TARBP1: variants seen among roughly 807,000 people sequenced by gnomAD.
TARBP1 encodes tRNA (guanosine(18)-2'-O)-methyltransferase TARBP1.
In TARBP1, 144 loss-of-function variants were observed where a neutral mutation model predicts 178.6. That is an observed-to-expected ratio of 0.81 (90% confidence interval 0.70 to 0.93). The LOEUF (loss-of-function observed/expected upper bound fraction) is 0.93. Among genes scored for constraint, TARBP1 ranks in the 40% least tolerant of loss-of-function variants. The probability of loss-of-function intolerance (pLI) is 0.00; values close to 1 mark genes in which losing one functional copy is unlikely to be tolerated. For synonymous variants in TARBP1, 787 were observed against 781.0 expected, an observed-to-expected ratio of 1.01 and a Z score of -0.13; for missense variants, 2,067 against 2,011.7, an observed-to-expected ratio of 1.03 and a Z score of -0.53.
chr1:234,401,390 C>G (rs944422894), intron 24 of TARBP1, 128 bp from the exon 25 acceptor site: 1 of 650,454 alleles, frequency 1.5e-6, no homozygotes, highest in East Asian at 2.8e-5. Flanking sequence ...GAACTTTATC[C>G]TAAGATTTAT....
intron 21 of TARBP1, among the ~76,000 whole-genome samples, chr1:234,419,944 T>C: frequency 6.6e-6 from 1 of 152,204 alleles, no homozygotes; most frequent in East Asian, 1.9e-4. Context: ...GGCTAGTATA[T>C]ATATTTGTAA....
At chr1:234,440,599 C>T (rs1015461760) in intron 12 of TARBP1, among the ~76,000 whole-genome samples, 3 of 152,014 alleles carry the variant, frequency 2.0e-5, no homozygotes, top group African/African-American at 7.3e-5. Flanking sequence ...ATTCTACTGC[C>T]CCTATTCACA....
Position 234,478,640 on chromosome 1 carries a change from T to C in TARBP1, c.464A>G (p.Glu155Gly), listed in dbSNP as rs1206219085. 3 of 1,286,280 alleles carry C rather than the reference T, an allele frequency of 2.3e-6. No homozygotes were observed. In the African/African-American group the frequency reaches 4.7e-5, roughly 20 times the overall value. The allele number at this position is 1,286,280 out of a possible 1,614,324, so 79.7% of individuals were successfully genotyped here. ...AAVGPCLRPR[E>G]DGPLLERVAG... is the part of the protein sequence containing the mutation. ...CACGCGCTCCAGTAGCGGCCCGTCC[T>C]CGCGGGGCCGCAAACATGGCCCGAC... is the stretch of plus-strand genomic sequence containing the variant. The change falls in exon 1 of 30, where the codon GAG becomes GGG. Residue 155 changes from glutamate (E) to glycine (G), a missense_variant. Transcript: ENST00000040877.
At chr1:234,423,430 ACGACC>A (rs1331703782) in intron 20 of TARBP1, among the ~76,000 whole-genome samples, 3 of 151,946 alleles carry the variant, frequency 2.0e-5, no homozygotes, top group Non-Finnish European at 4.4e-5. Flanking sequence ...CCCTCCAGGA[ACGACC>A]CCTGTTATTC....
At chr1:234,477,434 T>C (rs1403148685) in intron 1 of TARBP1, among the ~76,000 whole-genome samples, 2 of 152,306 alleles carry the variant, frequency 1.3e-5, no homozygotes, top group South Asian at 2.1e-4. Context: ...AAAGTAGAAA[T>C]ATTCTATTGA....
intron 20 of TARBP1, among the ~76,000 whole-genome samples, chr1:234,421,071 A>T (rs575993193): frequency 6.6e-6 from 1 of 152,264 alleles, no homozygotes. Context: ...AGTTGCTTTT[A>T]ACTTACATGT....
At chr1:234,406,165 C>A in intron 23 of TARBP1, 66 bp from the exon 24 acceptor site, 1 of 1,461,390 alleles carries the variant, frequency 6.8e-7, no homozygotes. Flanking sequence ...ACTTGTATGA[C>A]ACAAAAAAAG....
chr1:234,414,158 C>A (rs1662159265), intron 22 of TARBP1, among the ~76,000 whole-genome samples: 1 of 152,176 alleles, frequency 6.6e-6, no homozygotes, highest in African/African-American at 2.4e-5. Context: ...GCAGTCTCTG[C>A]TGCAACTGTT....
In TARBP1 at chr1:234,450,368, T is replaced by C. The variant is rs1666624721; in HGVS notation, c.1861+60A>G. 2.8e-6 allele frequency: 4 copies of C among 1,420,834 alleles called. No individual in the cohort carries two copies. The Admixed American group carries it at 1.0e-4, about 36-fold the overall frequency. The allele number at this position is 1,420,834 out of a possible 1,614,324, so 88.0% of individuals were successfully genotyped here. On this transcript the variant is annotated intron_variant, in intron 10 of 29. Coordinates refer to ENST00000040877, the MANE Select transcript of TARBP1 (RefSeq NM_005646.4). The stretch of plus-strand genomic sequence containing the variant: ...CCTAACTCTCAGTCTGAAAAACTAG[T>C]TAAAAGTTCTTTGAAAATATTTTGG...
chr1:234,407,677 C>T (rs532663448), intron 23 of TARBP1: 6 of 151,982 alleles, frequency 3.9e-5, no homozygotes, highest in African/African-American at 1.5e-4. Flanking sequence ...GGTGTGGGCT[C>T]GAGGATATTT....
At position 234,478,409 on chromosome 1, in the gene TARBP1, A is replaced by G; in HGVS notation, c.695T>C (p.Val232Ala). The change falls in exon 1 of 30, where the codon GTC becomes GCC. Residue 232 changes from valine to alanine, a missense_variant. Transcript: ENST00000040877. ...GSGRVEEKLL[V>A]LSALAEKLLP... ...CAGCTTCTCGGCCAGGGCGCTCAGG[A>G]CCAGCAGCTTCTCCTCTACGCGGCC... The G allele has an allele frequency of 7.3e-7, 1 of 1,377,606 alleles. No individual in the cohort carries two copies. 85.3% of individuals were successfully genotyped at this position (1,377,606 alleles called of 1,614,324 possible).
At chr1:234,410,946 C>A (rs1572238607) in intron 22 of TARBP1, among the ~76,000 whole-genome samples, 1 of 152,174 alleles carries the variant, frequency 6.6e-6, no homozygotes, top group East Asian at 1.9e-4. Flanking sequence ...GTAGCGCACA[C>A]CTGTAGTCCC....
chr1:234,474,221 G>A (rs1393469560), intron 1 of TARBP1, among the ~76,000 whole-genome samples: 3 of 149,154 alleles, frequency 2.0e-5, no homozygotes, highest in African/African-American at 7.5e-5. Context: ...CCTAGCCTGG[G>A]CAAGAGCGAG....
Position 234,472,858 on chromosome 1 carries a change from C to T in TARBP1, c.932-47G>A, listed in dbSNP as rs550440282. ...AATTAGTTCTTCCTTTTGCAAATTT[C>T]ATAAGTTTCTCAATGACAGCAGTTC... On this transcript the variant is annotated intron_variant, in intron 1 of 29. Coordinates refer to ENST00000040877, the MANE Select transcript of TARBP1 (RefSeq NM_005646.4). 10 of 1,410,330 alleles carry T rather than the reference C, an allele frequency of 7.1e-6. No individual in the cohort carries two copies. In the African/African-American group the frequency reaches 8.7e-5, roughly 12 times the overall value. 87.4% of individuals were successfully genotyped at this position (1,410,330 alleles called of 1,614,324 possible). A position where few individuals can be genotyped will look rare whatever the true frequency, so the allele number is the denominator to read the frequency against.
At chr1:234,465,589 C>T in intron 5 of TARBP1, 67 bp downstream of exon 5, 1 of 1,410,556 alleles carries the variant, frequency 7.1e-7, no homozygotes, top group Non-Finnish European at 9.4e-7. Flanking sequence ...ATGCATGAAA[C>T]AATCTGGTCA....
intron 3 of TARBP1, 94 bp downstream of exon 3, chr1:234,471,094 T>C (rs1051628509): frequency 9.1e-5 from 86 of 944,038 alleles, no homozygotes; most frequent in Non-Finnish European, 1.3e-4. Flanking sequence ...ACTTTTATAG[T>C]TTTTCAAAAT....
intron 12 of TARBP1, among the ~76,000 whole-genome samples, chr1:234,443,679 CA>C (rs1464803497): frequency 6.6e-6 from 1 of 152,038 alleles, no homozygotes; most frequent in Non-Finnish European, 1.5e-5. Context: ...GCATTATTCA[CA>C]AAAGAGAAGG....
At chr1:234,458,911 C>T (rs1347112283) in intron 8 of TARBP1, among the ~76,000 whole-genome samples, 1 of 152,104 alleles carries the variant, frequency 6.6e-6, no homozygotes, top group Non-Finnish European at 1.5e-5. Context: ...GCACCTTTTG[C>T]CTCATACATA....
intron 10 of TARBP1, among the ~76,000 whole-genome samples, chr1:234,449,782 C>T (rs770667622): frequency 4.2e-4 from 64 of 152,012 alleles, no homozygotes; most frequent in Non-Finnish European, 6.5e-4. Context: ...ATGTTAAATT[C>T]GAAGATGCAA....
Sources: allele counts gnomAD v4.1 joint callset (sites outside exome capture counted in the v4.1 genomes callset), GRCh38; gene constraint gnomAD v4.1.1; transcripts MANE v1.5; gene names NCBI Gene and HGNC (gene_info 2026-07-23, HGNC 2026-07-21).